Variants in PDE7B observed in about 807,000 individuals in gnomAD.
PDE7B encodes the protein 3',5'-cyclic-AMP phosphodiesterase 7B.
In PDE7B, 29 loss-of-function variants were observed where a neutral mutation model predicts 56.2. That is an observed-to-expected ratio of 0.52 (90% CI 0.38 to 0.70). The LOEUF (loss-of-function observed/expected upper bound fraction) is 0.70, where lower values mean the gene tolerates loss of function less well. PDE7B is among the 30% of genes least tolerant of loss of function. The pLI, the probability that PDE7B is intolerant of heterozygous loss-of-function variation, is 0.00. For synonymous variants in PDE7B, 197 were observed against 196.9 expected (o/e 1.00, Z 0.00); for missense variants, 490 against 565.0 (o/e 0.87, Z 1.35).
chr6:136,058,809 C>T (rs1776784610), intron 2 of PDE7B, among the ~76,000 whole-genome samples: 1 of 152,096 alleles, frequency 6.6e-6, no homozygotes, highest in African/African-American at 2.4e-5. Context: ...TTTACTAGAA[C>T]TAAATGACTA....
intron 2 of PDE7B, among the ~76,000 whole-genome samples, chr6:136,018,653 C>T (rs923587101): frequency 5.9e-5 from 9 of 152,184 alleles, no homozygotes; most frequent in African/African-American, 9.6e-5. Context: ...CTTAAATTAC[C>T]GTTAAGAGGT....
chr6:136,083,078 G>C (rs1472515774), intron 2 of PDE7B, among the ~76,000 whole-genome samples: 1 of 152,212 alleles, frequency 6.6e-6, no homozygotes, highest in African/African-American at 2.4e-5. Flanking sequence ...CAGGACTGGA[G>C]TCTGGGTGAG....
At chr6:136,007,968 T>C (rs968812610) in intron 2 of PDE7B, among the ~76,000 whole-genome samples, 2 of 151,992 alleles carry the variant, frequency 1.3e-5, no homozygotes, top group African/African-American at 4.8e-5. Context: ...TATCTCCTAA[T>C]GCTATCCCTC....
At chr6:135,937,018 G>T (rs1246375371) in intron 1 of PDE7B, among the ~76,000 whole-genome samples, 3 of 152,172 alleles carry the variant, frequency 2.0e-5, no homozygotes, top group African/African-American at 7.2e-5. Context: ...AGGGCCTCTG[G>T]TGGCATTTTC....
rs372901330 is a variant in PDE7B at position 136,043,041 on chromosome 6, A to G, written c.83-65690A>G. Among the ~76,000 whole-genome samples the G allele has an allele frequency of 3.3e-5, 5 of 152,218 alleles. No individual in the cohort carries two copies. The South Asian group carries it at 8.3e-4, about 25-fold the overall frequency. On this transcript the variant is annotated intron_variant, in intron 2 of 12. Transcript: ENST00000308191. ...CTTGTAAAAATTTATACACACTTTC[A>G]AATACTCATTGGTTCTAATGATTTC...
chr6:135,959,191 T>C (rs571902399), intron 2 of PDE7B, among the ~76,000 whole-genome samples: 1 of 152,212 alleles, frequency 6.6e-6, no homozygotes, highest in South Asian at 2.1e-4. Flanking sequence ...CATTCTGAAA[T>C]ATAAGAAAAT....
chr6:135,940,476 T>G (rs978856744), intron 1 of PDE7B, among the ~76,000 whole-genome samples: 1 of 152,254 alleles, frequency 6.6e-6, no homozygotes, highest in African/African-American at 2.4e-5. Flanking sequence ...TCTTGCTGAC[T>G]GTTCACTTAT....
intron 1 of PDE7B, among the ~76,000 whole-genome samples, chr6:135,885,328 G>T (rs1309537877): frequency 1.6e-4 from 23 of 143,430 alleles, no homozygotes; most frequent in South Asian, 2.2e-4. Context: ...CTTGTTTGTT[G>T]TTTTTTTTTT....
chr6:136,028,728 G>A (rs912344618), intron 2 of PDE7B, among the ~76,000 whole-genome samples: 1 of 152,134 alleles, frequency 6.6e-6, no homozygotes, highest in Non-Finnish European at 1.5e-5. Context: ...CACATGTAAG[G>A]ACACTTGTGA....
intron 1 of PDE7B, among the ~76,000 whole-genome samples, chr6:135,906,825 T>TTTTTTTGTTTTTTTTTTTTTG (rs1776120557): frequency 2.1e-5 from 3 of 145,854 alleles, no homozygotes; most frequent in African/African-American, 7.8e-5. Context: ...TTTTTTTTTT[T>TTTTTTTGTTTTTTTTTTTTTG]TTTTTTTTTT....
In PDE7B at chr6:135,877,762, A is replaced by C. The variant is rs565028975; in HGVS notation, c.21+25743A>C. 4.5e-4 allele frequency among the ~76,000 whole-genome samples: 67 copies of C among 148,534 alleles called. 1 individual carries two copies. The South Asian group carries it at 5.2e-3, about 11-fold the overall frequency. On this transcript the variant is annotated intron_variant, in intron 1 of 12. Coordinates refer to ENST00000308191, the MANE Select transcript of PDE7B (RefSeq NM_018945.4). ...GAAAACAAAACAAAACAAAAAAAAAAAAAAAGGGAGGGGCAGGGAGACAAA... is the reference window on the plus strand; with the variant it reads ...GAAAACAAAACAAAACAAAAAAAAACAAAAAGGGAGGGGCAGGGAGACAAA...
At chr6:136,167,672 G>T (rs1434384879) in intron 8 of PDE7B, among the ~76,000 whole-genome samples, 1 of 152,134 alleles carries the variant, frequency 6.6e-6, no homozygotes, top group South Asian at 2.1e-4. Flanking sequence ...CTAGTTTCTT[G>T]TCTGTTTTGT....
intron 2 of PDE7B, among the ~76,000 whole-genome samples, chr6:136,014,880 T>G (rs1039716236): frequency 6.6e-6 from 1 of 152,228 alleles, no homozygotes; most frequent in African/African-American, 2.4e-5. Flanking sequence ...CACACAGATA[T>G]CAGTGGAACG....
chr6:136,143,974 A>G (rs79981319), intron 3 of PDE7B, among the ~76,000 whole-genome samples: 2,596 of 152,160 alleles, frequency 0.017, 96 homozygotes, highest in East Asian at 0.14. Context: ...TCTCAGCTAC[A>G]TAAGACATTT....
chr6:136,180,197 C>G (rs1463107552), intron 10 of PDE7B, among the ~76,000 whole-genome samples: 2 of 152,142 alleles, frequency 1.3e-5, no homozygotes, highest in Non-Finnish European at 2.9e-5. Context: ...TACCCTACTC[C>G]CAGCAGTAGA....
chr6:136,080,844 G>A (rs534087203), intron 2 of PDE7B, among the ~76,000 whole-genome samples: 10 of 152,284 alleles, frequency 6.6e-5, no homozygotes, highest in South Asian at 2.1e-4. Context: ...AAGATATGGC[G>A]ATGAATGCTA....
At chr6:135,904,057 C>G (rs572115816) in intron 1 of PDE7B, among the ~76,000 whole-genome samples, 1 of 152,246 alleles carries the variant, frequency 6.6e-6, no homozygotes, top group South Asian at 2.1e-4. Context: ...TTAAATTGTT[C>G]TCCTTTCAGA....
chr6:135,930,658 C>A (rs1774278179), intron 1 of PDE7B, among the ~76,000 whole-genome samples: 2 of 152,012 alleles, frequency 1.3e-5, no homozygotes. Context: ...AGGAGGCAGG[C>A]AATGAGAGAA....
chr6:135,937,118 C>A (rs1039272741), intron 1 of PDE7B, among the ~76,000 whole-genome samples: 1 of 152,184 alleles, frequency 6.6e-6, no homozygotes, highest in Admixed American at 6.5e-5. Context: ...CCCCACTTAG[C>A]AGAACCCTTT....
Sources: gnomAD v4.1 joint callset for allele counts (sites outside exome capture counted in the v4.1 genomes callset) on GRCh38, gnomAD v4.1.1 for gene constraint, MANE v1.5 for transcripts, NCBI Gene and HGNC (gene_info 2026-07-23, HGNC 2026-07-21) for gene names.